Variants in RICTOR observed in about 807,000 individuals in gnomAD.
RICTOR encodes the protein RPTOR independent companion of MTOR complex 2, also known as rapamycin-insensitive companion of mTOR.
A neutral mutation model predicts 214.9 loss-of-function variants in RICTOR; 49 were observed. The ratio of observed to expected loss-of-function variants is 0.23; its 90% confidence interval spans 0.18 to 0.29. The LOEUF (loss-of-function observed/expected upper bound fraction) is 0.29, where lower values mean the gene tolerates loss of function less well. Ranked by LOEUF, RICTOR falls within the 10% of genes least tolerant of loss-of-function variation. The pLI, the probability that RICTOR is intolerant of heterozygous loss-of-function variation, is 1.00. For synonymous variants in RICTOR, 717 were observed against 711.3 expected (o/e 1.01, Z -0.13); for missense variants, 1,625 against 2,047.0 (o/e 0.79, Z 3.98).
At chr5:38,962,217 G>T in intron 19 of RICTOR, 98 bp downstream of exon 19, 1 of 512,260 alleles carries the variant, frequency 2.0e-6, no homozygotes, top group Non-Finnish European at 3.5e-6. Flanking sequence ...TAAAATGTAT[G>T]TATATGTCTT....
intron 2 of RICTOR, among the ~76,000 whole-genome samples, chr5:39,071,926 A>G (rs1434188252): frequency 6.6e-6 from 1 of 152,210 alleles, no homozygotes; most frequent in African/African-American, 2.4e-5. Context: ...TTCAGCTGCA[A>G]CCCAAACTGC....
intron 2 of RICTOR, among the ~76,000 whole-genome samples, chr5:39,039,106 T>C (rs1229047494): frequency 2.0e-5 from 3 of 152,158 alleles, no homozygotes; most frequent in Non-Finnish European, 2.9e-5. Flanking sequence ...ATGGTACTGG[T>C]ACCAAACAGA....
intron 6 of RICTOR, among the ~76,000 whole-genome samples, chr5:38,991,786 A>T (rs1309205065): frequency 6.6e-6 from 1 of 152,198 alleles, no homozygotes; most frequent in African/African-American, 2.4e-5. Flanking sequence ...AACAGGTAAC[A>T]TATGTCTTTG....
intron 2 of RICTOR, among the ~76,000 whole-genome samples, chr5:39,073,451 CAATG>C (rs1759472250): frequency 6.6e-6 from 1 of 152,200 alleles, no homozygotes; most frequent in Non-Finnish European, 1.5e-5. Flanking sequence ...AGAAGGTAAA[CAATG>C]AACCTGCAGC....
intron 2 of RICTOR, among the ~76,000 whole-genome samples, chr5:39,044,009 C>T (rs1042417754): frequency 2.0e-5 from 3 of 152,098 alleles, no homozygotes; most frequent in South Asian, 2.1e-4. Flanking sequence ...CTTTTATAAG[C>T]GACAGAAAAC....
rs765637610 is a variant in RICTOR, at chr5:39,074,369, C to A, written c.9G>T (p.Ala3=). The A allele has an allele frequency of 6.5e-6, 10 of 1,539,474 alleles. No individual in the cohort carries two copies. The highest frequency in any genetic ancestry group is 1.4e-5 in the African/African-American group (1 of 71,726). The change falls in exon 1 of 38, where the codon GCG becomes GCT. Residue 3 remains alanine (A), a synonymous_variant. Coordinates refer to ENST00000357387, the MANE Select transcript of RICTOR (RefSeq NM_152756.5). ...TCTTCAGAGAGCGGCCGCGGCCGAT[C>A]GCCGCCATATTGACGGGTTTCAGTC... MA[A]IGRGRSLKNL...
At chr5:39,002,979 A>G (rs1006890990) in intron 4 of RICTOR, among the ~76,000 whole-genome samples, 1 of 152,156 alleles carries the variant, frequency 6.6e-6, no homozygotes, top group African/African-American at 2.4e-5. Flanking sequence ...ACAATGGTAC[A>G]GCCTTTTTCA....
chr5:38,943,642 G>C (rs997388950), intron 36 of RICTOR, among the ~76,000 whole-genome samples: 26 of 152,150 alleles, frequency 1.7e-4, no homozygotes, highest in Admixed American at 1.6e-3. Flanking sequence ...GCGAAACTCT[G>C]TTTCTACTAA....
In RICTOR at chr5:38,964,814, C is replaced by G; in HGVS notation, c.1378G>C (p.Asp460His). ...PTLMNMAASF[D>H]IPKEKRLRAS... ...TACAGTCTCTTTTCCTTGGGGATAT[C>G]AAAGGATGCAGCCATATTCATTAGG... Residue 460 changes from aspartate (D) to histidine (H), a missense_variant, in exon 16 of 38, where the codon GAT becomes CAT. This residue lies in a region of RICTOR where 1,214 missense variants were observed against 1,470.5 expected (regional missense o/e 0.83). Coordinates refer to ENST00000357387, the MANE Select transcript of RICTOR (RefSeq NM_152756.5). 1.3e-6 allele frequency: 2 copies of G among 1,593,594 alleles called. No homozygotes were observed. The highest frequency in any genetic ancestry group is 2.2e-5 in the South Asian group (2 of 89,500).
At chr5:39,025,475 A>G (rs1280920155) in intron 2 of RICTOR, among the ~76,000 whole-genome samples, 1 of 152,238 alleles carries the variant, frequency 6.6e-6, no homozygotes, top group Non-Finnish European at 1.5e-5. Flanking sequence ...TTAGATCAGA[A>G]AGCAAGTGCA....
intron 22 of RICTOR, 47 bp downstream of exon 22, chr5:38,959,148 G>C: frequency 7.2e-7 from 1 of 1,380,962 alleles, no homozygotes; most frequent in East Asian, 2.4e-5. Context: ...ATAAAGTAGT[G>C]AATTAATTGG....
In RICTOR at chr5:38,960,383, A is replaced by G; in HGVS notation, c.1851+15T>C. ...ATAAAAAACATTTGCTCTGGAAAAT[A>G]TTCAGAATGCCCACCTCTTCAGATT... is the stretch of plus-strand genomic sequence containing the variant. On this transcript the variant is annotated intron_variant, in intron 20 of 37. Coordinates refer to ENST00000357387, the MANE Select transcript of RICTOR (RefSeq NM_152756.5). The G allele has an allele frequency of 6.2e-7, 1 of 1,608,528 alleles. No individual in the cohort carries two copies. Among genetic ancestry groups the G allele is most frequent in the Non-Finnish European group, 8.5e-7 (1 of 1,177,772 alleles).
chr5:38,945,173 T>C (rs537492857), intron 34 of RICTOR, 105 bp from the exon 35 acceptor site: 3 of 832,322 alleles, frequency 3.6e-6, no homozygotes, highest in African/African-American at 3.5e-5. Flanking sequence ...TCTTCTCTAA[T>C]TGTATGCAAT....
At chr5:38,994,739 TTTAAA>T (rs1478092552) in intron 6 of RICTOR, among the ~76,000 whole-genome samples, 19 of 129,276 alleles carry the variant, frequency 1.5e-4, no homozygotes, top group East Asian at 2.3e-4. Flanking sequence ...TAAAAACTAC[TTTAAA>T]TTAAATTTTA....
intron 10 of RICTOR, 50 bp downstream of exon 10, chr5:38,975,487 C>A: frequency 8.2e-7 from 1 of 1,223,882 alleles, no homozygotes; most frequent in Non-Finnish European, 1.2e-6. Flanking sequence ...TTTGAAAAAG[C>A]AGTCTAGTTT....
rs188861274 is a variant in RICTOR at position 39,046,412 on chromosome 5, C to T, written c.98-25276G>A. On this transcript the variant is annotated intron_variant, in intron 2 of 37. Coordinates refer to ENST00000357387, the MANE Select transcript of RICTOR (RefSeq NM_152756.5). Reference sequence around the variant, plus strand: ...AAAAGAAGAAGAATAAATGCTTTGCCCATTGTTTTCTATCTTTGAAATATT... The same window carrying T: ...AAAAGAAGAAGAATAAATGCTTTGCTCATTGTTTTCTATCTTTGAAATATT... Among the ~76,000 whole-genome samples the T allele has an allele frequency of 1.0e-4, 15 of 148,998 alleles. No individual in the cohort carries two copies. The East Asian group carries it at 2.4e-3, about 24-fold the overall frequency.
chr5:38,968,052 C>A (rs1750381997), intron 11 of RICTOR, 22 bp from the exon 12 acceptor site: 1 of 1,307,362 alleles, frequency 7.6e-7, no homozygotes, highest in East Asian at 2.3e-5. Flanking sequence ...AACAAATACA[C>A]CTCATTTATT....
intron 7 of RICTOR, among the ~76,000 whole-genome samples, chr5:38,990,686 T>C (rs368524969): frequency 0.2 from 5,322 of 26,264 alleles, 780 homozygotes; most frequent in Middle Eastern, 0.33. Context: ...AGATATATCA[T>C]ATATATGATA....
In RICTOR at chr5:39,053,885, C is replaced by A. The variant is rs1176622948; in HGVS notation, c.97+20226G>T. 1.6e-4 allele frequency among the ~76,000 whole-genome samples: 18 copies of A among 114,910 alleles called. 1 individual carries two copies. Among genetic ancestry groups the A allele is most frequent in the Non-Finnish European group, 2.6e-4 (15 of 58,672 alleles). The allele number at this position is 114,910 out of a possible 152,430, so 75.4% of individuals were successfully genotyped here. Reference sequence around the variant, plus strand: ...TCCAGCCTGGGCGACAGCGAGACTCCGTCTCAAAAAAAAAAAAAAAACCCG... The same window carrying A: ...TCCAGCCTGGGCGACAGCGAGACTCAGTCTCAAAAAAAAAAAAAAAACCCG... On this transcript the variant is annotated intron_variant, in intron 2 of 37. Transcript: ENST00000357387.
Sources: gnomAD v4.1 joint callset for allele counts (sites outside exome capture counted in the v4.1 genomes callset) on GRCh38, gnomAD v4.1.1 for gene constraint, gnomAD v4.1.1 regional missense constraint, MANE v1.5 for transcripts, NCBI Gene and HGNC (gene_info 2026-07-23, HGNC 2026-07-21) for gene names.